Variants in GMIP observed in about 807,000 individuals in gnomAD.
GMIP encodes GEM interacting protein.
GMIP carries 54 observed loss-of-function variants against 105.3 expected under a neutral mutation model. The ratio of observed to expected loss-of-function variants is 0.51; its 90% CI spans 0.41 to 0.64. The LOEUF (loss-of-function observed/expected upper bound fraction) is 0.64. Ranked by LOEUF, GMIP falls within the 30% of genes least tolerant of loss-of-function variation. The pLI is 0.00. For synonymous variants in GMIP, 541 were observed against 560.8 expected (o/e 0.96, Z 0.50); for missense variants, 1,110 against 1,319.4 (o/e 0.84, Z 2.46).
In GMIP at chr19:19,638,245, G is replaced by A; in HGVS notation, c.703C>T (p.Pro235Ser). ...EDLRARSQGSPEDSAPQASPG... is the reference protein window; with the variant it reads ...EDLRARSQGSSEDSAPQASPG... ...GAGGCCTGGGGGGCCGAGTCCTCAGGGGACCCCTGGGAGCGTGCCCGCAGG... is the reference window on the plus strand; with the variant it reads ...GAGGCCTGGGGGGCCGAGTCCTCAGAGGACCCCTGGGAGCGTGCCCGCAGG... The change falls in exon 9 of 21, where the codon CCT (proline) becomes TCT (serine). Residue 235 changes from proline (P) to serine (S), a missense_variant. This residue lies in a region of GMIP where 667 missense variants were observed against 773.2 expected (regional missense o/e 0.86). Coordinates refer to ENST00000203556, the MANE Select transcript of GMIP (RefSeq NM_016573.4). 6.2e-7 allele frequency: 1 copy of A among 1,603,192 alleles called. No individual in the cohort carries two copies. The highest frequency in any genetic ancestry group is 8.5e-7 in the Non-Finnish European group (1 of 1,179,282).
chr19:19,640,646 G>C, intron 4 of GMIP, 75 bp from the exon 5 acceptor site: 1 of 1,492,580 alleles, frequency 6.7e-7, no homozygotes, highest in Non-Finnish European at 9.3e-7. Context: ...CCCCAGACCA[G>C]CCCAGTGGCA....
Position 19,630,319 on chromosome 19 carries a change from C to G in GMIP, c.2557G>C (p.Glu853Gln). 6.5e-7 allele frequency: 1 copy of G among 1,540,060 alleles called. No homozygotes were observed. The highest frequency in any genetic ancestry group is 8.8e-7 in the Non-Finnish European group (1 of 1,142,590). Residue 853 changes from glutamate (E) to glutamine (Q), a missense_variant, in exon 21 of 21, where the codon GAG becomes CAG. Glu to Gln is a conservative substitution (Grantham distance 29). Transcript: ENST00000203556. This position sits in a 1 kb window ranked among gnomAD's most constrained non-coding sequence, Gnocchi z 4.8. ...GACTGTGTCCCCAGGAGTGAGTCCT[C>G]TGGGCCTTGGCTGGACACTGTGTAC... is the stretch of plus-strand genomic sequence containing the variant. ...GGGEVSSQGPEDSLLGTQSRG... is the reference protein window; with the variant it reads ...GGGEVSSQGPQDSLLGTQSRG...
In GMIP at chr19:19,632,202, G is replaced by A. The variant is rs528114685; in HGVS notation, c.2472+1601C>T. On this transcript the variant is annotated intron_variant, in intron 19 of 20. Coordinates refer to ENST00000203556, the MANE Select transcript of GMIP (RefSeq NM_016573.4). The stretch of plus-strand genomic sequence containing the variant: ...CCAACTACTCTGGAGGCTGAGGCAG[G>A]AGAATCGCTTGAATCCAGGAGGTGG... 2.0e-5 allele frequency among the ~76,000 whole-genome samples: 3 copies of A among 152,286 alleles called. 1 individual carries two copies. Among genetic ancestry groups the A allele is most frequent in the South Asian group, 4.1e-4 (2 of 4,828 alleles).
Position 19,643,608 on chromosome 19 carries a change from TGCCGCCGCAGCCGCCGCC to T in GMIP, c.-97_-80del. 1 of 1,320,248 alleles carries T rather than the reference TGCCGCCGCAGCCGCCGCC, an allele frequency of 7.6e-7. No homozygotes were observed. The highest frequency in any genetic ancestry group is 2.5e-5 in the Admixed American group (1 of 40,676). 81.8% of individuals were successfully genotyped at this position (1,320,248 alleles called of 1,614,324 possible). On this transcript the variant is annotated 5_prime_UTR_variant, in exon 1 of 21. Coordinates refer to ENST00000203556, the MANE Select transcript of GMIP (RefSeq NM_016573.4). ...CCGGCGGGGCCGAGCCCCGATTTCC[TGCCGCCGCAGCCGCCGCC>T]GCCGCCTCGGTTCCGCGTCGCCCTG... is the stretch of plus-strand genomic sequence containing the variant.
chr19:19,630,472 T>C lies in GMIP; in HGVS notation c.2538A>G (p.Glu846=). The part of the protein sequence containing the change: ...VAEDTKDGGG[E]VSSQGPEDSL... ...TGAGCCTCTCTCTAACATACTCACC[T>C]TCCCCTCCCCCATCTTTGGTGTCTT... The change falls in exon 20 of 21, where the codon GAA becomes GAG. Residue 846 remains glutamate, a splice_region_variant and synonymous_variant. Coordinates refer to ENST00000203556, the MANE Select transcript of GMIP (RefSeq NM_016573.4). The surrounding 1 kb of genome is among the most constrained non-coding windows in gnomAD (Gnocchi z 4.8). 6.2e-7 allele frequency: 1 copy of C among 1,613,636 alleles called. No individual in the cohort carries two copies. The highest frequency in any genetic ancestry group is 8.5e-7 in the Non-Finnish European group (1 of 1,179,600).
chr19:19,638,275 C>G lies in GMIP; in HGVS notation c.673G>C (p.Glu225Gln). Residue 225 changes from glutamate to glutamine, a missense_variant, in exon 9 of 21, where the codon GAG (glutamate) becomes CAG (glutamine). This residue lies in a region of GMIP where 667 missense variants were observed against 773.2 expected (regional missense o/e 0.86). Coordinates refer to ENST00000203556, the MANE Select transcript of GMIP (RefSeq NM_016573.4). Reference sequence around the variant, plus strand: ...CCCTGGGAGCGTGCCCGCAGGTCCTCGCTGCGTTGCACATACTGCAGCTGG... The same window carrying G: ...CCCTGGGAGCGTGCCCGCAGGTCCTGGCTGCGTTGCACATACTGCAGCTGG... ...RAQLQYVQRS[E>Q]DLRARSQGSP... 1 of 1,608,784 alleles carries G rather than the reference C, an allele frequency of 6.2e-7. No homozygotes were observed. Among genetic ancestry groups the G allele is most frequent in the Non-Finnish European group, 8.5e-7 (1 of 1,179,746 alleles).
At position 19,640,490 on chromosome 19, in the gene GMIP, T is replaced by C. The variant is rs1413172955; in HGVS notation, c.320A>G (p.Tyr107Cys). Residue 107 changes from tyrosine to cysteine, a missense_variant, in exon 5 of 21, where the codon TAT becomes TGT. Around this residue, in one of 3 missense-constraint regions of GMIP, gnomAD observed 667 missense variants for 773.2 expected, o/e 0.86. Transcript: ENST00000203556. ...ALEYAKTWSR[Y>C]AKELLAWTEK... ...AGTCCAGGCAAGCAGTTCCTTGGCA[T>C]AGCGGCTCCAGGTCTTGGCATATTC... The C allele has an allele frequency of 2.5e-6, 4 of 1,613,992 alleles. No homozygotes were observed. In the Admixed American group the frequency reaches 6.7e-5, roughly 27 times the overall value.
At position 19,629,859 on chromosome 19, in the gene GMIP, T is replaced by C; in HGVS notation, c.*104A>G. 2.6e-6 allele frequency: 3 copies of C among 1,159,240 alleles called. No homozygotes were observed. The highest frequency in any genetic ancestry group is 3.6e-6 in the Non-Finnish European group (3 of 829,464). The allele number at this position is 1,159,240 out of a possible 1,614,324, so 71.8% of individuals were successfully genotyped here. A position where few individuals can be genotyped will look rare whatever the true frequency, so the allele number is the denominator to read the frequency against. On this transcript the variant is annotated 3_prime_UTR_variant, in exon 21 of 21. Coordinates refer to ENST00000203556, the MANE Select transcript of GMIP (RefSeq NM_016573.4). ...GGAACCCTCTGGACCTCTCCCAGCA[T>C]TGAACTCCTGGCGGGGTGTTTGGCC...
At chr19:19,643,408 C>T in intron 1 of GMIP, 103 bp downstream of exon 1, 1 of 1,118,220 alleles carries the variant, frequency 8.9e-7, no homozygotes, top group South Asian at 1.4e-5. Flanking sequence ...CATTCAGGAA[C>T]TCCTCTCCTG....
intron 19 of GMIP, among the ~76,000 whole-genome samples, chr19:19,632,258 C>T (rs1302561531): frequency 6.6e-6 from 1 of 151,844 alleles, no homozygotes; most frequent in Non-Finnish European, 1.5e-5. Flanking sequence ...CACGCCATCG[C>T]ACTCCAACCT....
chr19:19,642,607 C>T lies in GMIP; in HGVS notation c.32G>A (p.Gly11Asp). 6.3e-7 allele frequency: 1 copy of T among 1,598,556 alleles called. No individual in the cohort carries two copies. The highest frequency in any genetic ancestry group is 8.6e-7 in the Non-Finnish European group (1 of 1,166,926). Reference protein sequence around the residue: MDAAEPGLPPGPEGRKRYSDI... With the variant: MDAAEPGLPPDPEGRKRYSDI... ...ACTGTACCTCTTCCTGCCCTCAGGA[C>T]CTGGGGGGAGTCCTAGGGGAGGGGA... Residue 11 changes from glycine to aspartate, a missense_variant, in exon 2 of 21, where the codon GGT becomes GAT. Transcript: ENST00000203556.
Position 19,640,545 on chromosome 19 carries a change from G to T in GMIP, c.265C>A (p.Arg89=), listed in dbSNP as rs533077921. Residue 89 remains arginine, a synonymous_variant, in exon 5 of 21, where the codon CGG becomes AGG. Coordinates refer to ENST00000203556, the MANE Select transcript of GMIP (RefSeq NM_016573.4). ...GCTGCGTCCACACCCCCCTTTGTCC[G>T]AATGAGCCGCAAGTCCAGTTCCTCC... The part of the protein sequence containing the change: ...TGEELDLRLI[R]TKGGVDAALE... 4.3e-6 allele frequency: 7 copies of T among 1,613,804 alleles called. No homozygotes were observed. In the Admixed American group the frequency reaches 5.0e-5, roughly 12 times the overall value.
chr19:19,640,211 T>C lies in GMIP; in HGVS notation c.430-19A>G. On this transcript the variant is annotated intron_variant, in intron 6 of 20. Coordinates refer to ENST00000203556, the MANE Select transcript of GMIP (RefSeq NM_016573.4). ...TGTGGCTCTGGGGAAGACAGAGTGG[T>C]GTAGGAGGATACTGAAGATCTGTGG... is the stretch of plus-strand genomic sequence containing the variant. The C allele has an allele frequency of 6.4e-7, 1 of 1,574,020 alleles. No individual in the cohort carries two copies. Among genetic ancestry groups the C allele is most frequent in the East Asian group, 2.3e-5 (1 of 43,932 alleles).
chr19:19,641,206 G>A (rs1476506640), intron 4 of GMIP, among the ~76,000 whole-genome samples: 14 of 151,860 alleles, frequency 9.2e-5, no homozygotes, highest in African/African-American at 2.7e-4. Flanking sequence ...TCAGCCTCCC[G>A]AGTATCTGGG....
At chr19:19,643,451 C>T (rs1378493209) in intron 1 of GMIP, 60 bp downstream of exon 1, 8 of 1,443,544 alleles carry the variant, frequency 5.5e-6, no homozygotes, top group South Asian at 1.2e-5. Context: ...AGTGTGTGCC[C>T]TCAATGTAGG....
In GMIP at chr19:19,640,328, C is replaced by T. The variant is rs1225224957; in HGVS notation, c.397G>A (p.Ala133Thr). 4 of 1,613,882 alleles carry T rather than the reference C, an allele frequency of 2.5e-6. No homozygotes were observed. The highest frequency in any genetic ancestry group is 2.5e-6 in the Non-Finnish European group (3 of 1,179,988). The stretch of plus-strand genomic sequence containing the variant: ...TGAATGGACACCTTGCCAGCTTCAG[C>T]GATCTTCATGGTGCTCTTAGCAAAC... ...LEFAKSTMKI[A>T]EAGKVSIQQQ... Residue 133 changes from alanine (A) to threonine (T), a missense_variant, in exon 6 of 21, where the codon GCT becomes ACT. Transcript: ENST00000203556.
In GMIP at chr19:19,635,741, G is replaced by A. The variant is rs1215106767; in HGVS notation, c.1328-20C>T. 6.2e-7 allele frequency: 1 copy of A among 1,600,430 alleles called. No homozygotes were observed. Among genetic ancestry groups the A allele is most frequent in the African/African-American group, 1.3e-5 (1 of 74,836 alleles). On this transcript the variant is annotated intron_variant, in intron 13 of 20. Coordinates refer to ENST00000203556, the MANE Select transcript of GMIP (RefSeq NM_016573.4). The surrounding 1 kb of genome is among the most constrained non-coding windows in gnomAD (Gnocchi z 4.7). ...CAGCGCCTGGGGTCAGAGGAATCAT[G>A]GGAGATTCCTGGGCTATGGGAGGCA... is the stretch of plus-strand genomic sequence containing the variant.
In GMIP at chr19:19,634,927, G is replaced by A; in HGVS notation, c.1752C>T (p.Gly584=). The change falls in exon 17 of 21, where the codon GGC becomes GGT. Residue 584 remains glycine (G), a splice_region_variant and synonymous_variant. Transcript: ENST00000203556. This position sits in a 1 kb window ranked among gnomAD's most constrained non-coding sequence, Gnocchi z 6.1. ...EIEHRALDVQ[G]IYRVSGSRVR... is the part of the protein sequence containing the mutation. ...CCCGGGACCCGCTGACCCGGTAAAT[G>A]CCCTGCAGGGTGAGGGTGAAAAACA... 9 of 1,613,992 alleles carry A rather than the reference G, an allele frequency of 5.6e-6. No homozygotes were observed. Among genetic ancestry groups the A allele is most frequent in the Non-Finnish European group, 7.6e-6 (9 of 1,180,012 alleles).
Position 19,630,190 on chromosome 19 carries a change from C to T in GMIP, c.2686G>A (p.Glu896Lys), listed in dbSNP as rs1363796433. Residue 896 changes from glutamate (E) to lysine (K), a missense_variant, in exon 21 of 21, where the codon GAG (glutamate) becomes AAG (lysine). Around this residue, in one of 3 missense-constraint regions of GMIP, gnomAD observed 394 missense variants for 450.5 expected, o/e 0.87. Transcript: ENST00000203556. The surrounding 1 kb of genome is among the most constrained non-coding windows in gnomAD (Gnocchi z 4.8). ...GGCACTGATGTGATGGGGGTCTCCT[C>T]GCACAGCTTGGAAGCCACCAGGGCC... ...SLALVASKLC[E>K]ETPITSVPRG... 8.1e-6 allele frequency: 13 copies of T among 1,601,672 alleles called. No homozygotes were observed. The highest frequency in any genetic ancestry group is 1.7e-5 in the Admixed American group (1 of 59,280).
Sources: allele counts gnomAD v4.1 joint callset (sites outside exome capture counted in the v4.1 genomes callset), GRCh38; gene constraint gnomAD v4.1.1; regional missense constraint gnomAD v4.1.1; non-coding constraint Gnocchi (gnomAD v3.1); transcripts MANE v1.5; gene names NCBI Gene and HGNC (gene_info 2026-07-23, HGNC 2026-07-21).